The following ZMYND8 variants were observed in gnomAD, a reference collection of about 807,000 sequenced individuals.
The protein encoded by ZMYND8 is MYND-type zinc finger-containing chromatin reader ZMYND8.
A neutral mutation model predicts 140.8 loss-of-function variants in ZMYND8; 37 were observed. The ratio of observed to expected loss-of-function variants is 0.26; its 90% CI spans 0.20 to 0.35. The LOEUF is 0.35. ZMYND8 is among the 10% of genes least tolerant of loss of function. The pLI is 1.00. For missense variants in ZMYND8, 1,068 were observed against 1,570.0 expected, an observed-to-expected ratio of 0.68 and a Z score of 5.40; for synonymous variants, 592 against 597.1, an observed-to-expected ratio of 0.99 and a Z score of 0.12.
chr20:47,225,394 C>T (rs914996659), intron 18 of ZMYND8, among the ~76,000 whole-genome samples: 3 of 151,492 alleles, frequency 2.0e-5, no homozygotes, highest in Non-Finnish European at 4.4e-5. Flanking sequence ...AACCCTGTCT[C>T]TGCTAAAAAT....
At chr20:47,281,690 T>C (rs2076615850) in intron 10 of ZMYND8, among the ~76,000 whole-genome samples, 1 of 152,154 alleles carries the variant, frequency 6.6e-6, no homozygotes, top group East Asian at 1.9e-4. Flanking sequence ...AGCATGATGA[T>C]AAGAGATTCA....
chr20:47,337,525 A>C (rs1346110988), intron 2 of ZMYND8, among the ~76,000 whole-genome samples: 7 of 152,130 alleles, frequency 4.6e-5, no homozygotes, highest in Admixed American at 1.3e-4. Flanking sequence ...AATAAAGATA[A>C]AACCTGACCC....
At chr20:47,316,095 G>A (rs1178289801) in intron 2 of ZMYND8, among the ~76,000 whole-genome samples, 1 of 152,162 alleles carries the variant, frequency 6.6e-6, no homozygotes, top group Non-Finnish European at 1.5e-5. Flanking sequence ...CACTTTGGGA[G>A]GCCAAGGTGG....
chr20:47,307,036 C>A (rs555592653), intron 3 of ZMYND8, among the ~76,000 whole-genome samples: 3 of 152,170 alleles, frequency 2.0e-5, no homozygotes, highest in African/African-American at 7.2e-5. Context: ...TGCTTGTGTA[C>A]CTCCCAAATT....
At chr20:47,354,073 T>A (rs888964721) in intron 1 of ZMYND8, 19 of 152,142 alleles carry the variant, frequency 1.2e-4, no homozygotes, top group African/African-American at 4.1e-4. Flanking sequence ...ACATTTATTT[T>A]TTTCCCCCTT....
At chr20:47,289,018 C>T (rs2077094205) in intron 7 of ZMYND8, among the ~76,000 whole-genome samples, 1 of 152,168 alleles carries the variant, frequency 6.6e-6, no homozygotes, top group Admixed American at 6.5e-5. Context: ...ACGAGAATCG[C>T]TTCAACCCAG....
At chr20:47,274,443 A>C (rs557640368) in intron 11 of ZMYND8, among the ~76,000 whole-genome samples, 5 of 152,336 alleles carry the variant, frequency 3.3e-5, no homozygotes, top group Admixed American at 3.3e-4. Flanking sequence ...GCCAAGGTTA[A>C]AATTTTAAAC....
At chr20:47,257,354 A>C (rs531128955) in intron 12 of ZMYND8, among the ~76,000 whole-genome samples, 80 of 152,154 alleles carry the variant, frequency 5.3e-4, no homozygotes, top group Non-Finnish European at 1.0e-3. Context: ...CCATATACAC[A>C]CATACATACA....
chr20:47,258,320 G>A (rs1165167260), intron 12 of ZMYND8, among the ~76,000 whole-genome samples: 3 of 152,218 alleles, frequency 2.0e-5, no homozygotes, highest in Non-Finnish European at 4.4e-5. Context: ...TCCTTGGGTA[G>A]GTAACTTGCT....
chr20:47,276,459 G>C lies in ZMYND8; in HGVS notation c.1335C>G (p.Ser445=). The C allele has an allele frequency of 3.1e-6, 5 of 1,614,108 alleles. No homozygotes were observed. The highest frequency in any genetic ancestry group is 4.2e-6 in the Non-Finnish European group (5 of 1,180,020). ...VLSGGTGRRI[S]LSDMPRSPMS... is the part of the protein sequence containing the mutation. ...TGGGGGAGCGCGGCATATCCGACAA[G>C]GAAATCCGGCGGCCTGTGCCCCCAC... Residue 445 remains serine, a synonymous_variant, in exon 11 of 23, where the codon TCC becomes TCG. Coordinates refer to ENST00000471951, the MANE Select transcript of ZMYND8 (RefSeq NM_001281775.3).
chr20:47,240,429 G>A (rs2039814074), intron 14 of ZMYND8, among the ~76,000 whole-genome samples: 1 of 151,616 alleles, frequency 6.6e-6, no homozygotes, highest in African/African-American at 2.4e-5. Context: ...CAGAAGAATC[G>A]CTTGAACCCG....
chr20:47,349,715 T>G (rs2082616107), intron 1 of ZMYND8: 2 of 1,197,802 alleles, frequency 1.7e-6, no homozygotes, highest in African/African-American at 3.1e-5. Flanking sequence ...TCTGTTTCCC[T>G]CTCTAGCATG....
intron 1 of ZMYND8, chr20:47,352,422 G>C: frequency 1.0e-6 from 1 of 977,772 alleles, no homozygotes; most frequent in African/African-American, 1.7e-5. Context: ...AAGACAATCC[G>C]AGTCTGCAGA....
At position 47,246,526 on chromosome 20, in the gene ZMYND8, A is replaced by G; in HGVS notation, c.1775-9T>C. ...CGAGATTTCATTTATGCCTAAATTC[A>G]AAAAGAAAACCCAGCATGTGGCGTA... On this transcript the variant is annotated splice_polypyrimidine_tract_variant and intron_variant, in intron 13 of 22. Transcript: ENST00000471951. 1 of 1,558,482 alleles carries G rather than the reference A, an allele frequency of 6.4e-7. No homozygotes were observed. The highest frequency in any genetic ancestry group is 1.2e-5 in the South Asian group (1 of 84,086).
chr20:47,318,376 A>C (rs961755749), intron 2 of ZMYND8: 4 of 318,068 alleles, frequency 1.3e-5, no homozygotes, highest in South Asian at 1.1e-4. Context: ...AATCACTTCA[A>C]AGCGTTTCCC....
At chr20:47,268,880 T>C (rs915273851) in intron 11 of ZMYND8, among the ~76,000 whole-genome samples, 13 of 152,018 alleles carry the variant, frequency 8.6e-5, no homozygotes, top group African/African-American at 3.1e-4. Context: ...AGGTGCTTGC[T>C]AAAAGAGTGA....
intron 1 of ZMYND8, chr20:47,356,236 G>T: frequency 1.3e-6 from 1 of 796,698 alleles, no homozygotes; most frequent in Non-Finnish European, 1.7e-6. Context: ...TCTTCCCCCA[G>T]CAGGGCATGT....
intron 17 of ZMYND8, among the ~76,000 whole-genome samples, chr20:47,229,107 T>A (rs1225055045): frequency 6.6e-6 from 1 of 151,470 alleles, no homozygotes; most frequent in Non-Finnish European, 1.5e-5. Context: ...GCAATCCTCC[T>A]GCCTTAGCTT....
intron 11 of ZMYND8, among the ~76,000 whole-genome samples, chr20:47,273,738 T>G (rs2147762439): frequency 6.6e-6 from 1 of 152,128 alleles, no homozygotes; most frequent in Admixed American, 6.5e-5. Context: ...GCTTAATTGA[T>G]CCTCCCAGCT....
Sources: gnomAD v4.1 joint callset for allele counts (sites outside exome capture counted in the v4.1 genomes callset) on GRCh38, gnomAD v4.1.1 for gene constraint, MANE v1.5 for transcripts, NCBI Gene and HGNC (gene_info 2026-07-23, HGNC 2026-07-21) for gene names.